The following DMGDH variants were observed in gnomAD, a reference collection of about 807,000 sequenced individuals.
DMGDH encodes the protein dimethylglycine dehydrogenase, mitochondrial.
A neutral mutation model predicts 95.2 loss-of-function variants in DMGDH; 76 were observed. That is an observed-to-expected ratio of 0.80 (90% CI 0.66 to 0.97). The LOEUF (loss-of-function observed/expected upper bound fraction) is 0.97. Ranked by LOEUF, DMGDH falls within the 50% of genes least tolerant of loss-of-function variation. The probability of loss-of-function intolerance (pLI) is 0.00; values close to 1 mark genes in which losing one functional copy is unlikely to be tolerated. For synonymous variants in DMGDH, 345 were observed against 377.6 expected (o/e 0.91, Z 1.00); for missense variants, 987 against 1,055.0 (o/e 0.94, Z 0.89).
At chr5:79,054,394 G>C (rs1186373746) in intron 3 of DMGDH, 46 bp from the exon 4 acceptor site, 1 of 1,590,944 alleles carries the variant, frequency 6.3e-7, no homozygotes, top group South Asian at 1.1e-5. Context: ...GTCATTGTTT[G>C]GTACTCAAAC....
intron 13 of DMGDH, among the ~76,000 whole-genome samples, chr5:79,024,951 C>A (rs1753959166): frequency 6.6e-6 from 1 of 152,102 alleles, no homozygotes; most frequent in African/African-American, 2.4e-5. Flanking sequence ...TAGTCTAAAC[C>A]CCCTACAAGC....
Position 79,065,900 on chromosome 5 carries a change from C to T in DMGDH, c.102-2113G>A, listed in dbSNP as rs190395173. Among the ~76,000 whole-genome samples the T allele has an allele frequency of 9.2e-5, 14 of 151,968 alleles. No individual in the cohort carries two copies. The East Asian group carries it at 1.7e-3, about 19-fold the overall frequency. On this transcript the variant is annotated intron_variant, in intron 1 of 15. Transcript: ENST00000255189. The stretch of plus-strand genomic sequence containing the variant: ...ATTGTATATGTGGTCCATCATTGAC[C>T]GAAACATCATTATAAGGCACATGAC...
chr5:79,035,741 C>CGG (rs57292208), intron 7 of DMGDH, among the ~76,000 whole-genome samples: 12 of 129,084 alleles, frequency 9.3e-5, no homozygotes, highest in Admixed American at 4.1e-4. Context: ...GAGTGGTGGG[C>CGG]GGGGGGGGAA....
In DMGDH at chr5:79,030,984, C is replaced by T. The variant is rs757429797; in HGVS notation, c.1532G>A (p.Arg511His). 33 of 1,613,998 alleles carry T rather than the reference C, an allele frequency of 2.0e-5. No individual in the cohort carries two copies. Among genetic ancestry groups the T allele is most frequent in the East Asian group, 8.9e-5 (4 of 44,898 alleles). Residue 511 changes from arginine (R) to histidine (H), a missense_variant, in exon 10 of 16, where the codon CGC (arginine) becomes CAC (histidine). Arg to His is a conservative substitution (Grantham distance 29, BLOSUM62 0). Coordinates refer to ENST00000255189, the MANE Select transcript of DMGDH (RefSeq NM_013391.3). ...GCCCACAGGCTCAAACCAGTTTGTG[C>T]GGCGAAAACTTGGCCTGAAACACAA... ...QDTQYRPSFRRTNWFEPVGSE... is the reference protein window; with the variant it reads ...QDTQYRPSFRHTNWFEPVGSE...
Position 79,044,394 on chromosome 5 carries a change from G to A in DMGDH, c.904C>T (p.Gln302Ter), listed in dbSNP as rs1395490491. ...CCAAACAAAAGCCCATCCCTTTCCTGTCGGAGATAATATGATCCTTCCAGG... is the reference window on the plus strand; with the variant it reads ...CCAAACAAAAGCCCATCCCTTTCCTATCGGAGATAATATGATCCTTCCAGG... Reference protein sequence around the residue: ...RDLEGSYYLRQERDGLLFGPY... With the variant: ...RDLEGSYYLR The change falls in exon 6 of 16, where the codon CAG (glutamine) becomes TAG (stop). Residue 302 changes from glutamine (Q) to a stop codon, truncating the protein, a stop_gained. Coordinates refer to ENST00000255189, the MANE Select transcript of DMGDH (RefSeq NM_013391.3). LOFTEE classifies it high-confidence loss of function. 3.7e-6 allele frequency: 6 copies of A among 1,614,004 alleles called. No individual in the cohort carries two copies. The Admixed American group carries it at 8.3e-5, about 22-fold the overall frequency.
intron 5 of DMGDH, among the ~76,000 whole-genome samples, chr5:79,044,963 T>C (rs1405092587): frequency 3.3e-5 from 5 of 152,194 alleles, no homozygotes; most frequent in Admixed American, 2.0e-4. Flanking sequence ...AAGAGGCCCC[T>C]GTGTTGCTGT....
At chr5:79,017,343 T>A (rs1056743457) in intron 14 of DMGDH, among the ~76,000 whole-genome samples, 4 of 151,492 alleles carry the variant, frequency 2.6e-5, no homozygotes, top group African/African-American at 9.7e-5. Context: ...AAACCCTAGG[T>A]AAGAGATTTA....
intron 15 of DMGDH, chr5:79,000,358 C>T: frequency 1.5e-6 from 1 of 653,238 alleles, no homozygotes. Flanking sequence ...TTTATTCTCA[C>T]AATATACTCT....
rs571102193 is a variant in DMGDH at position 79,033,241 on chromosome 5, A to G, written c.1361T>C (p.Ile454Thr). The G allele has an allele frequency of 2.0e-5, 32 of 1,614,116 alleles. No individual in the cohort carries two copies. The African/African-American group carries it at 4.1e-4, about 21-fold the overall frequency. ...KARESYGFNN[I>T]VGYPKEERFA... ...ACAACAGTACATTTGTACCTTACCA[A>G]TATTGTTGAATCCATATGATTCTCT... Residue 454 changes from isoleucine (I) to threonine (T), a missense_variant and splice_region_variant, in exon 8 of 16, where the codon ATT (isoleucine) becomes ACT (threonine). By Grantham distance (89) the Ile-to-Thr change is moderately conservative (BLOSUM62 -1). Coordinates refer to ENST00000255189, the MANE Select transcript of DMGDH (RefSeq NM_013391.3).
intron 6 of DMGDH, among the ~76,000 whole-genome samples, chr5:79,043,768 T>C (rs1474988223): frequency 1.3e-5 from 2 of 152,162 alleles, no homozygotes; most frequent in Non-Finnish European, 2.9e-5. Flanking sequence ...AGAGAAACTA[T>C]AGTATCCCCT....
intron 7 of DMGDH, among the ~76,000 whole-genome samples, chr5:79,033,759 C>G: frequency 6.6e-6 from 1 of 152,204 alleles, no homozygotes; most frequent in Admixed American, 6.5e-5. Context: ...AGTGAGAACT[C>G]ATCGCTACAA....
intron 12 of DMGDH, among the ~76,000 whole-genome samples, chr5:79,028,182 TG>T (rs1365508279): frequency 4.6e-5 from 7 of 152,016 alleles, no homozygotes; most frequent in South Asian, 2.1e-4. Flanking sequence ...TAGGCAGCGA[TG>T]GGACTGGAGC....
intron 7 of DMGDH, among the ~76,000 whole-genome samples, chr5:79,038,507 GTAGTCGCATAAGAA>G (rs1754411192): frequency 6.6e-6 from 1 of 152,018 alleles, no homozygotes; most frequent in Non-Finnish European, 1.5e-5. Context: ...AGACAGTATA[GTAGTCGCATAAGAA>G]TAGACACAGA....
At chr5:79,026,950 G>A (rs1754019585) in intron 12 of DMGDH, among the ~76,000 whole-genome samples, 1 of 152,102 alleles carries the variant, frequency 6.6e-6, no homozygotes, top group African/African-American at 2.4e-5. Context: ...CAGTTTATCA[G>A]GGCAACGAGT....
intron 2 of DMGDH, among the ~76,000 whole-genome samples, chr5:79,061,065 C>A (rs1755193679): frequency 6.6e-6 from 1 of 151,920 alleles, no homozygotes; most frequent in Admixed American, 6.6e-5. Context: ...CTACAAAAAA[C>A]TTTAAAAATT....
chr5:79,023,909 C>A lies in DMGDH; in HGVS notation c.2250+362G>T, dbSNP rs538142767. Among the ~76,000 whole-genome samples, 10 of 152,338 alleles carry A rather than the reference C, an allele frequency of 6.6e-5. No individual in the cohort carries two copies. In the South Asian group the frequency reaches 2.1e-3, roughly 32 times the overall value. ...GCACTATGTTTGATCAGCTAATGTG[C>A]AATTTCCCAAGTCACCAGGAGTTAC... On this transcript the variant is annotated intron_variant, in intron 14 of 15. Coordinates refer to ENST00000255189, the MANE Select transcript of DMGDH (RefSeq NM_013391.3).
Position 79,051,367 on chromosome 5 carries a change from A to G in DMGDH, c.665T>C (p.Leu222Pro). ...CCATGTTCCATCTGACCTGGCTTTC[A>G]GAGAAGTTACTGGTGCAGGATATTT... ...LLKYPAPVTS[L>P]KARSDGTWDV... The change falls in exon 5 of 16, where the codon CTG (leucine) becomes CCG (proline). Residue 222 changes from leucine (L) to proline (P), a missense_variant. Transcript: ENST00000255189. 6.2e-7 allele frequency: 1 copy of G among 1,614,166 alleles called. No homozygotes were observed. The highest frequency in any genetic ancestry group is 8.5e-7 in the Non-Finnish European group (1 of 1,180,030).
Position 79,055,823 on chromosome 5 carries a change from T to C in DMGDH, c.362A>G (p.Glu121Gly). The C allele has an allele frequency of 1.2e-6, 2 of 1,604,912 alleles. No individual in the cohort carries two copies. Among genetic ancestry groups the C allele is most frequent in the Non-Finnish European group, 1.7e-6 (2 of 1,171,670 alleles). Residue 121 changes from glutamate (E) to glycine (G), a missense_variant, in exon 3 of 16, where the codon GAA (glutamate) becomes GGA (glycine). Transcript: ENST00000255189. Reference sequence around the variant, plus strand: ...AAATGCCTTTACCTGACCAGTTTCTTCTTCCAGTTTCTCATAAAGTTTGAT... The same window carrying C: ...AAATGCCTTTACCTGACCAGTTTCTCCTTCCAGTTTCTCATAAAGTTTGAT... ...DSIKLYEKLE[E>G]ETGQVVGFHQ...
At chr5:79,014,254 C>T (rs1473012341) in intron 14 of DMGDH, among the ~76,000 whole-genome samples, 1 of 152,076 alleles carries the variant, frequency 6.6e-6, no homozygotes. Flanking sequence ...AAACTAAAGC[C>T]CCCATTACAT....
Sources: gnomAD v4.1 joint callset for allele counts (sites outside exome capture counted in the v4.1 genomes callset) on GRCh38, gnomAD v4.1.1 for gene constraint, MANE v1.5 for transcripts, NCBI Gene and HGNC (gene_info 2026-07-23, HGNC 2026-07-21) for gene names.